STK32C: variants seen among roughly 807,000 people sequenced by gnomAD.
The protein encoded by STK32C is serine/threonine kinase 32C, also known as serine/threonine-protein kinase 32C.
STK32C carries 31 observed loss-of-function variants against 56.5 expected under a neutral mutation model. That is an observed-to-expected ratio of 0.55 (90% confidence interval 0.41 to 0.74). The LOEUF is 0.74. Among genes scored for constraint, STK32C ranks in the 30% least tolerant of loss-of-function variants. STK32C has a pLI of 0.00. For missense variants in STK32C, 544 were observed against 676.9 expected (o/e 0.80, Z 2.18); for synonymous variants, 309 against 289.4 (o/e 1.07, Z -0.69).
intron 1 of STK32C, among the ~76,000 whole-genome samples, chr10:132,265,918 G>A (rs941930784): frequency 3.3e-5 from 5 of 152,178 alleles, no homozygotes; most frequent in African/African-American, 4.8e-5. Context: ...TGCCGTGCAC[G>A]GCCGCTTGGG....
At chr10:132,244,818 C>T (rs2063628495) in intron 2 of STK32C, among the ~76,000 whole-genome samples, 1 of 152,194 alleles carries the variant, frequency 6.6e-6, no homozygotes, top group Non-Finnish European at 1.5e-5. Flanking sequence ...ACAGGAGGGT[C>T]TGAGTCAGTC....
intron 1 of STK32C, among the ~76,000 whole-genome samples, chr10:132,291,742 G>T (rs1159613051): frequency 1.3e-5 from 2 of 151,652 alleles, no homozygotes; most frequent in African/African-American, 2.4e-5. Flanking sequence ...AGGTCCCAGA[G>T]ACCCCATCCC....
In STK32C at chr10:132,255,610, G is replaced by A. The variant is rs1208946162; in HGVS notation, c.263-9655C>T. Among the ~76,000 whole-genome samples, 1 of 152,206 alleles carries A rather than the reference G, an allele frequency of 6.6e-6. No homozygotes were observed. Reference sequence around the variant, plus strand: ...TCCAGCCACAGCAGCACCCAGGAGAGGAGCAGGGGGCCCTGCAGGAAGCAG... The same window carrying A: ...TCCAGCCACAGCAGCACCCAGGAGAAGAGCAGGGGGCCCTGCAGGAAGCAG... On this transcript the variant is annotated intron_variant, in intron 1 of 11. Transcript: ENST00000298630. The surrounding 1 kb of genome is among the most constrained non-coding windows in gnomAD (Gnocchi z 4.6).
chr10:132,212,237 C>T (rs528923283), intron 10 of STK32C, among the ~76,000 whole-genome samples: 3 of 152,240 alleles, frequency 2.0e-5, no homozygotes, highest in South Asian at 2.1e-4. Flanking sequence ...GGTGCAGTCC[C>T]GGCGCAGGGC....
At chr10:132,309,290 G>A (rs2066175052), upstream of STK32C, among the ~76,000 whole-genome samples, 1 of 152,078 alleles carries the variant, frequency 6.6e-6, no homozygotes, top group East Asian at 1.9e-4. Context: ...CATCCCTTGG[G>A]GACTATAAGG....
exon 1 of STK32C, chr10:132,331,662 T>C (rs13882): frequency 0.37 from 601,488 of 1,612,370 alleles, 114,313 homozygotes; most frequent in Non-Finnish European, 0.39. Context: ...TCAGCAGCAA[T>C]TCTTTTCTGC....
intron 1 of STK32C, among the ~76,000 whole-genome samples, chr10:132,305,765 A>G (rs763820763): frequency 2.0e-4 from 30 of 152,316 alleles, no homozygotes; most frequent in Non-Finnish European, 3.7e-4. Flanking sequence ...CAGTGACAGG[A>G]AGAAGCGGAG....
At chr10:132,287,270 A>T (rs2138278254) in intron 1 of STK32C, among the ~76,000 whole-genome samples, 2 of 152,150 alleles carry the variant, frequency 1.3e-5, no homozygotes, top group Middle Eastern at 6.8e-3. Context: ...AGGGAGGCGG[A>T]TCACTAGGTC....
At position 132,258,578 on chromosome 10, in the gene STK32C, G is replaced by A. The variant is rs560731463; in HGVS notation, c.263-12623C>T. On this transcript the variant is annotated intron_variant, in intron 1 of 11. Transcript: ENST00000298630. ...TCCCGGGTGGCTGGGCCAGCGCGCA[G>A]GCCTTCCTCTGGAATTCCTCCCAGC... Among the ~76,000 whole-genome samples the A allele has an allele frequency of 6.6e-5, 10 of 152,356 alleles. No homozygotes were observed. In the East Asian group the frequency reaches 1.9e-3, roughly 29 times the overall value.
chr10:132,323,117 C>G (rs2066440848), downstream of STK32C, among the ~76,000 whole-genome samples: 1 of 152,120 alleles, frequency 6.6e-6, no homozygotes, highest in Non-Finnish European at 1.5e-5. This position sits in a 1 kb window ranked among gnomAD's most constrained non-coding sequence, Gnocchi z 4.8. Flanking sequence ...TACTGCTTGT[C>G]CTTACTGAAA....
At chr10:132,259,603 T>C (rs1253946676) in intron 1 of STK32C, among the ~76,000 whole-genome samples, 1 of 152,220 alleles carries the variant, frequency 6.6e-6, no homozygotes, top group Admixed American at 6.5e-5. Flanking sequence ...GCTCCAGCCA[T>C]GAGAACGTGC....
intron 1 of STK32C, among the ~76,000 whole-genome samples, chr10:132,262,826 A>G (rs2064350265): frequency 6.6e-6 from 1 of 152,108 alleles, no homozygotes; most frequent in South Asian, 2.1e-4. Flanking sequence ...AATGGCCAAC[A>G]AGCATATGAA....
intron 1 of STK32C, among the ~76,000 whole-genome samples, chr10:132,246,659 C>T (rs1050865688): frequency 1.3e-5 from 2 of 152,238 alleles, no homozygotes; most frequent in African/African-American, 2.4e-5. Context: ...AATTGTCACT[C>T]GTGAGACCTG....
chr10:132,301,504 C>T (rs576845890), intron 1 of STK32C, among the ~76,000 whole-genome samples: 45 of 152,284 alleles, frequency 3.0e-4, no homozygotes, highest in South Asian at 1.4e-3. Flanking sequence ...TGGGGGTCCC[C>T]GGGGAAGACA....
chr10:132,223,065 C>G, intron 8 of STK32C, 79 bp from the exon 9 acceptor site: 1 of 1,498,096 alleles, frequency 6.7e-7, no homozygotes, highest in South Asian at 1.2e-5. Flanking sequence ...CAGGCCAGGG[C>G]ACCTTGAGGA....
At chr10:132,311,523 A>G (rs2066221921), upstream of STK32C, among the ~76,000 whole-genome samples, 1 of 152,214 alleles carries the variant, frequency 6.6e-6, no homozygotes, top group Non-Finnish European at 1.5e-5. This position sits in a 1 kb window ranked among gnomAD's most constrained non-coding sequence, Gnocchi z 4.4. Context: ...TGGTGACAGT[A>G]TTGATTTTAA....
intron 1 of STK32C, among the ~76,000 whole-genome samples, chr10:132,301,258 C>G (rs1278368981): frequency 6.6e-6 from 1 of 151,318 alleles, no homozygotes; most frequent in Admixed American, 6.6e-5. Flanking sequence ...CTTCCCGACA[C>G]CAAGTAGAAG....
At chr10:132,242,081 G>A (rs549806379) in intron 2 of STK32C, among the ~76,000 whole-genome samples, 1 of 149,710 alleles carries the variant, frequency 6.7e-6, no homozygotes, top group Non-Finnish European at 1.5e-5. Context: ...CTGCACTTTA[G>A]CCTGGGTGAC....
chr10:132,276,901 C>T (rs1039178245), intron 1 of STK32C, among the ~76,000 whole-genome samples: 2 of 152,234 alleles, frequency 1.3e-5, no homozygotes, highest in African/African-American at 4.8e-5. Flanking sequence ...GGGCTCGAGG[C>T]CGTGGCTGCG....
Sources: allele counts gnomAD v4.1 joint callset (sites outside exome capture counted in the v4.1 genomes callset), GRCh38; gene constraint gnomAD v4.1.1; non-coding constraint Gnocchi (gnomAD v3.1); transcripts MANE v1.5; gene names NCBI Gene and HGNC (gene_info 2026-07-23, HGNC 2026-07-21).